The following EDA2R variants were observed in gnomAD, a reference collection of about 807,000 sequenced individuals.
EDA2R encodes tumor necrosis factor receptor superfamily member 27.
In EDA2R, 26 loss-of-function variants were observed where a neutral mutation model predicts 20.1. The ratio of observed to expected loss-of-function variants is 1.30; its 90% CI spans 0.95 to 1.80. The LOEUF (loss-of-function observed/expected upper bound fraction) is 1.80, where lower values mean the gene tolerates loss of function less well. EDA2R is among the 40% of genes most tolerant of loss of function. The probability of loss-of-function intolerance (pLI) is 0.00; values close to 1 mark genes in which losing one functional copy is unlikely to be tolerated. For synonymous variants in EDA2R, 114 were observed against 88.7 expected (o/e 1.29, Z -1.60); for missense variants, 277 against 228.7 (o/e 1.21, Z -1.36).
chrX:66,618,483 ACT>A (rs1225902420), intron 1 of EDA2R, among the ~76,000 whole-genome samples: 2 of 112,303 alleles, frequency 1.8e-5, no homozygotes, highest in African/African-American at 6.5e-5. Flanking sequence ...AATTATAGTT[ACT>A]CTGAGGTATT....
intron 1 of EDA2R, among the ~76,000 whole-genome samples, chrX:66,618,017 G>T (rs1932013783): frequency 9.0e-6 from 1 of 110,597 alleles, no homozygotes; most frequent in Non-Finnish European, 1.9e-5. Flanking sequence ...CTCCCGAGTA[G>T]CTGGGATTAC....
At chrX:66,630,577 A>G (rs1298661804) in intron 1 of EDA2R, among the ~76,000 whole-genome samples, 1 of 111,499 alleles carries the variant, frequency 9.0e-6, no homozygotes, top group Non-Finnish European at 1.9e-5. Context: ...TGGCCAACAA[A>G]CATATGAAAA....
At chrX:66,635,425 A>C (rs968377990) in intron 1 of EDA2R, among the ~76,000 whole-genome samples, 1 of 112,476 alleles carries the variant, frequency 8.9e-6, no homozygotes, top group African/African-American at 3.2e-5. Flanking sequence ...GAAAGAAAGC[A>C]GTGAAAAGCA....
At chrX:66,618,626 G>T (rs1463794160) in intron 1 of EDA2R, among the ~76,000 whole-genome samples, 1 of 111,846 alleles carries the variant, frequency 8.9e-6, no homozygotes, top group Non-Finnish European at 1.9e-5. Flanking sequence ...CATGCCCAGT[G>T]CCTAGCCCTG....
chrX:66,623,446 G>A (rs1294116923), intron 1 of EDA2R, among the ~76,000 whole-genome samples: 1 of 111,301 alleles, frequency 9.0e-6, no homozygotes, highest in African/African-American at 3.3e-5. Context: ...TATCACATAA[G>A]TCCTACACAG....
intron 1 of EDA2R, among the ~76,000 whole-genome samples, chrX:66,616,841 C>T (rs887219021): frequency 2.7e-5 from 3 of 111,952 alleles, no homozygotes; most frequent in Non-Finnish European, 5.6e-5. Context: ...TTTCTGGCCT[C>T]GGTTACTTAA....
Position 66,615,950 on chromosome X carries a change from C to A in EDA2R, c.71G>T (p.Gly24Val). ...RCVTCQRCGP[G>V]QELSKDCGYG... is the part of the protein sequence containing the mutation. ...ATAACTTACCTTGGATAGCTCCTGT[C>A]CAGGACCACACCGTTGGCAGGTGAC... Residue 24 changes from glycine to valine, a missense_variant, in exon 2 of 7, where the codon GGA (glycine) becomes GTA (valine). Coordinates refer to ENST00000374719, the MANE Select transcript of EDA2R (RefSeq NM_021783.5). 1 of 1,209,426 alleles carries A rather than the reference C, an allele frequency of 8.3e-7. No homozygotes were observed. The highest frequency in any genetic ancestry group is 1.8e-5 in the South Asian group (1 of 56,789).
In EDA2R at chrX:66,599,793, G is replaced by T. The variant is rs1382870625; in HGVS notation, c.585C>A (p.Ser195Arg). 8.3e-7 allele frequency: 1 copy of T among 1,209,590 alleles called. No homozygotes were observed. Among genetic ancestry groups the T allele is most frequent in the Non-Finnish European group, 1.1e-6 (1 of 894,577 alleles). Residue 195 changes from serine to arginine, a missense_variant, in exon 6 of 7, where the codon AGC becomes AGA. Ser to Arg is a moderately radical substitution (Grantham distance 110). Transcript: ENST00000374719. Reference protein sequence around the residue: ...KEESLFPVPPSKETSAESQVS... With the variant: ...KEESLFPVPPRKETSAESQVS... The stretch of plus-strand genomic sequence containing the variant: ...CTTGGGACTCAGCACTGGTCTCCTT[G>T]CTGGGTGGCACGGGGAAGAGAGATT...
chrX:66,604,057 T>C (rs943233033), intron 4 of EDA2R, among the ~76,000 whole-genome samples: 2 of 111,580 alleles, frequency 1.8e-5, no homozygotes, highest in Non-Finnish European at 1.9e-5. Context: ...TCCTCAGCCC[T>C]AGGGGCTCCT....
Position 66,597,499 on chromosome X carries a change from G to T in EDA2R, c.*605C>A, listed in dbSNP as rs1569217133. ...GTGAGAACCTCAAATACAGGGTGAG[G>T]CCCCAGGGATCTAGAGGGAAAGTGT... On this transcript the variant is annotated 3_prime_UTR_variant, in exon 7 of 7. Coordinates refer to ENST00000374719, the MANE Select transcript of EDA2R (RefSeq NM_021783.5). 1 of 112,042 alleles carries T rather than the reference G, an allele frequency of 8.9e-6. No individual in the cohort carries two copies. Among genetic ancestry groups the T allele is most frequent in the African/African-American group, 3.2e-5 (1 of 30,802 alleles). The allele number at this position is 112,042 out of a possible 1,213,427, so 9.2% of individuals were successfully genotyped here.
intron 1 of EDA2R, among the ~76,000 whole-genome samples, chrX:66,622,276 A>G (rs900383924): frequency 9.0e-6 from 1 of 111,664 alleles, no homozygotes; most frequent in South Asian, 3.7e-4. Context: ...GCTGACATCA[A>G]TAGTAATCCC....
intron 5 of EDA2R, 53 bp from the exon 6 acceptor site, chrX:66,599,913 C>A (rs753561699): frequency 1.7e-6 from 2 of 1,172,395 alleles, no homozygotes; most frequent in Non-Finnish European, 1.1e-6. Context: ...GGGCTCTTCT[C>A]AGCTGGGCAC....
intron 5 of EDA2R, among the ~76,000 whole-genome samples, chrX:66,600,664 T>G (rs752937401): frequency 8.9e-6 from 1 of 112,023 alleles, no homozygotes; most frequent in Non-Finnish European, 1.9e-5. Flanking sequence ...CTACTAAATG[T>G]GTGGCAATTT....
At position 66,631,001 on chromosome X, in the gene EDA2R, ACGTT is replaced by A. The variant is rs1933733661; in HGVS notation, c.-11+7990_-11+7993del. Among the ~76,000 whole-genome samples, 3 of 109,154 alleles carry A rather than the reference ACGTT, an allele frequency of 2.7e-5. No individual in the cohort carries two copies. The Admixed American group carries it at 2.9e-4, about 11-fold the overall frequency. The allele number at this position is 109,154 out of a possible 115,157, so 94.8% of individuals were successfully genotyped here. A position where few individuals can be genotyped will look rare whatever the true frequency, so the allele number is the denominator to read the frequency against. ...TATGTGTGTATGTACATAAAAACACACGTTTGTGTGTATATATACATATACACAC... is the reference window on the plus strand; with the variant it reads ...TATGTGTGTATGTACATAAAAACACATGTGTGTATATATACATATACACAC... On this transcript the variant is annotated intron_variant, in intron 1 of 6. Coordinates refer to ENST00000374719, the MANE Select transcript of EDA2R (RefSeq NM_021783.5).
At chrX:66,638,512 G>A (rs1934559284) in intron 1 of EDA2R, among the ~76,000 whole-genome samples, 1 of 110,672 alleles carries the variant, frequency 9.0e-6, no homozygotes, top group African/African-American at 3.3e-5. Flanking sequence ...ACCAAGCTCG[G>A]CGGGTGAGGG....
At position 66,611,493 on chromosome X, in the gene EDA2R, G is replaced by GT. The variant is rs778592038; in HGVS notation, c.87+4440dup. Among the ~76,000 whole-genome samples the GT allele has an allele frequency of 4.5e-4, 50 of 110,993 alleles. No homozygotes were observed. The South Asian group carries it at 5.7e-3, about 13-fold the overall frequency. On this transcript the variant is annotated intron_variant, in intron 2 of 6. Coordinates refer to ENST00000374719, the MANE Select transcript of EDA2R (RefSeq NM_021783.5). ...AGAAAATCTCATCAAAGAAACAGAA[G>GT]TTTTTTTTAAATAAACAGATGGTAA...
chrX:66,637,428 GT>G, intron 1 of EDA2R, among the ~76,000 whole-genome samples: 1 of 111,182 alleles, frequency 9.0e-6, no homozygotes. Context: ...AGGATCTGAC[GT>G]TTTTTTTAAG....
chrX:66,601,468 T>C (rs1928587421), intron 5 of EDA2R, among the ~76,000 whole-genome samples: 1 of 111,635 alleles, frequency 9.0e-6, no homozygotes, highest in Non-Finnish European at 1.9e-5. Context: ...GCCCATGAAA[T>C]GCTATATTCA....
chrX:66,612,243 G>A (rs1930879841), intron 2 of EDA2R, among the ~76,000 whole-genome samples: 1 of 111,499 alleles, frequency 9.0e-6, no homozygotes, highest in Non-Finnish European at 1.9e-5. Context: ...AGAAATCTTG[G>A]AGCATCAGGA....
Sources: gnomAD v4.1 joint callset for allele counts (sites outside exome capture counted in the v4.1 genomes callset) on GRCh38, gnomAD v4.1.1 for gene constraint, MANE v1.5 for transcripts, NCBI Gene and HGNC (gene_info 2026-07-23, HGNC 2026-07-21) for gene names.